The following TLK2 variants were observed in gnomAD, a reference collection of about 807,000 sequenced individuals.
TLK2 encodes the protein tousled like kinase 2, also known as serine/threonine-protein kinase tousled-like 2.
Under a neutral mutation model 117.3 loss-of-function variants are expected in TLK2, and 6 were observed. The ratio of observed to expected loss-of-function variants is 0.05; its 90% confidence interval spans 0.03 to 0.10. The LOEUF is 0.10. TLK2 is among the 10% of genes least tolerant of loss of function. The probability of loss-of-function intolerance (pLI) is 1.00; values close to 1 mark genes in which losing one functional copy is unlikely to be tolerated. For missense variants in TLK2, 299 were observed against 901.2 expected (o/e 0.33, Z 8.56); for synonymous variants, 257 against 316.7 (o/e 0.81, Z 2.00).
chr17:62,506,535 G>C (rs2074705043), intron 2 of TLK2, among the ~76,000 whole-genome samples: 1 of 151,938 alleles, frequency 6.6e-6, no homozygotes, highest in Admixed American at 6.6e-5. Context: ...TTCCTCATAT[G>C]TGAAGTAATA....
intron 1 of TLK2, among the ~76,000 whole-genome samples, chr17:62,471,886 G>GTTTTTTTTTT (rs1179717599): frequency 3.3e-4 from 13 of 38,976 alleles, no homozygotes; most frequent in Non-Finnish European, 6.6e-4. Flanking sequence ...AGGTAGTATA[G>GTTTTTTTTTT]TCTTTTTTTT....
intron 15 of TLK2, chr17:62,585,879 G>A (rs1212927039): frequency 3.2e-6 from 1 of 311,298 alleles, no homozygotes; most frequent in Non-Finnish European, 6.0e-6. Context: ...TGATTCTGAA[G>A]GCAGGGGCTA....
At chr17:62,581,822 A>C (rs1474828806) in intron 15 of TLK2, among the ~76,000 whole-genome samples, 2 of 152,160 alleles carry the variant, frequency 1.3e-5, no homozygotes, top group Non-Finnish European at 2.9e-5. Flanking sequence ...CAGCTTTGTC[A>C]AAATTTGATG....
At chr17:62,522,053 A>G in intron 3 of TLK2, 151 bp from the exon 4 acceptor site, 2 of 813,006 alleles carry the variant, frequency 2.5e-6, no homozygotes, top group South Asian at 1.9e-5. Flanking sequence ...ACTCTTTGTT[A>G]TACTCAGTTT....
At chr17:62,552,054 T>C in intron 7 of TLK2, 1 of 474,732 alleles carries the variant, frequency 2.1e-6, no homozygotes. Flanking sequence ...ATTTTAAAAA[T>C]TCATTTGTAA....
At position 62,613,295 on chromosome 17, in the gene TLK2, CAGTA is replaced by C. The variant is rs2083922212; in HGVS notation, c.*731_*734del. 1 of 152,576 alleles carries C rather than the reference CAGTA, an allele frequency of 6.6e-6. No individual in the cohort carries two copies. Among genetic ancestry groups the C allele is most frequent in the Non-Finnish European group, 1.5e-5 (1 of 68,050 alleles). The allele number at this position is 152,576 out of a possible 1,614,324, so 9.5% of individuals were successfully genotyped here. On this transcript the variant is annotated 3_prime_UTR_variant, in exon 22 of 22. Coordinates refer to ENST00000346027, the MANE Select transcript of TLK2 (RefSeq NM_006852.6). ...CTGTTTGCAATTGCTTCCCTCATCT[CAGTA>C]GGGAAAAAATTGAGTGGGAGTACTG...
intron 16 of TLK2, among the ~76,000 whole-genome samples, chr17:62,592,716 C>T (rs570350581): frequency 5.8e-4 from 88 of 152,248 alleles, no homozygotes; most frequent in Non-Finnish European, 8.5e-4. Context: ...ATGATTCAAG[C>T]GCATTACATT....
In TLK2 at chr17:62,547,996, A is replaced by G. The variant is rs534006641; in HGVS notation, c.532-4306A>G. Among the ~76,000 whole-genome samples, 98 of 152,282 alleles carry G rather than the reference A, an allele frequency of 6.4e-4. 1 individual carries two copies. The highest frequency in any genetic ancestry group is 2.3e-3 in the African/African-American group (97 of 41,556). The stretch of plus-strand genomic sequence containing the variant: ...TCTGATTGTTTGTATTATATTCAGA[A>G]CTTGCATTATGGGTAATTAAAGTCC... On this transcript the variant is annotated intron_variant, in intron 7 of 21. Transcript: ENST00000346027.
At position 62,502,028 on chromosome 17, in the gene TLK2, A is replaced by ATTTTTTTTTTTT. The variant is rs746988825; in HGVS notation, c.82-18745_82-18744insTTTTTTTTTTTT. ...ATCAAACATTTAAGGAAAAAATACC[A>ATTTTTTTTTTTT]ATTTTTTTTTTTTTTTTTACAAATT... On this transcript the variant is annotated intron_variant, in intron 2 of 21. Coordinates refer to ENST00000346027, the MANE Select transcript of TLK2 (RefSeq NM_006852.6). Among the ~76,000 whole-genome samples, 90 of 134,280 alleles carry ATTTTTTTTTTTT rather than the reference A, an allele frequency of 6.7e-4. 2 individuals carry two copies. The highest frequency in any genetic ancestry group is 1.6e-3 in the Admixed American group (21 of 13,056). The allele number at this position is 134,280 out of a possible 152,430, so 88.1% of individuals were successfully genotyped here. A position where few individuals can be genotyped will look rare whatever the true frequency, so the allele number is the denominator to read the frequency against.
chr17:62,514,779 A>G (rs937129649), intron 2 of TLK2, among the ~76,000 whole-genome samples: 5 of 152,000 alleles, frequency 3.3e-5, no homozygotes, highest in African/African-American at 1.2e-4. Flanking sequence ...GGGTTTCGCC[A>G]TGTTGGCCAT....
At chr17:62,561,057 T>C (rs1252091364) in intron 10 of TLK2, among the ~76,000 whole-genome samples, 1 of 152,172 alleles carries the variant, frequency 6.6e-6, no homozygotes, top group Non-Finnish European at 1.5e-5. Context: ...AATTCCCACC[T>C]ATGAGTGAGA....
At chr17:62,509,914 A>G (rs1362666864) in intron 2 of TLK2, among the ~76,000 whole-genome samples, 1 of 152,154 alleles carries the variant, frequency 6.6e-6, no homozygotes, top group African/African-American at 2.4e-5. Context: ...CAGACACCTA[A>G]CCTGCTGGTG....
At chr17:62,539,102 A>C (rs545500288) in intron 7 of TLK2, among the ~76,000 whole-genome samples, 1 of 152,238 alleles carries the variant, frequency 6.6e-6, no homozygotes, top group Non-Finnish European at 1.5e-5. Context: ...TATTCTGTCT[A>C]TAAATTGTTG....
At chr17:62,496,232 T>C (rs1168299463) in intron 2 of TLK2, among the ~76,000 whole-genome samples, 3 of 152,278 alleles carry the variant, frequency 2.0e-5, no homozygotes, top group Non-Finnish European at 4.4e-5. Context: ...GGAATTGTTT[T>C]ACATTCATAC....
chr17:62,511,254 G>A (rs1168722174), intron 2 of TLK2, among the ~76,000 whole-genome samples: 5 of 152,154 alleles, frequency 3.3e-5, no homozygotes, highest in African/African-American at 7.2e-5. Context: ...CCTGCTACGC[G>A]TTTGTAGCCA....
intron 6 of TLK2, among the ~76,000 whole-genome samples, chr17:62,535,436 A>G (rs1302537967): frequency 4.6e-5 from 7 of 152,188 alleles, no homozygotes; most frequent in African/African-American, 7.2e-5. Context: ...TAGTACAGCA[A>G]GAACAGAATT....
intron 2 of TLK2, among the ~76,000 whole-genome samples, chr17:62,507,750 C>T (rs895596319): frequency 2.0e-5 from 3 of 152,080 alleles, no homozygotes; most frequent in African/African-American, 4.8e-5. Flanking sequence ...GAGCCTCCTT[C>T]GTGGTGCTAA....
intron 20 of TLK2, 132 bp from the exon 21 acceptor site, chr17:62,607,909 A>G (rs1598912471): frequency 7.2e-6 from 5 of 696,954 alleles, no homozygotes; most frequent in Non-Finnish European, 1.2e-5. Flanking sequence ...ACTAGAGGGG[A>G]TTGTCTCCAG....
chr17:62,591,373 C>G (rs977747670), intron 16 of TLK2, among the ~76,000 whole-genome samples: 1 of 150,712 alleles, frequency 6.6e-6, no homozygotes, highest in African/African-American at 2.4e-5. Context: ...AAAAAAAAAC[C>G]AGCGTGGAGC....
Sources: allele counts gnomAD v4.1 joint callset (sites outside exome capture counted in the v4.1 genomes callset), GRCh38; gene constraint gnomAD v4.1.1; transcripts MANE v1.5; gene names NCBI Gene and HGNC (gene_info 2026-07-23, HGNC 2026-07-21).